The following TFCP2L1 variants were observed in gnomAD, a reference collection of about 807,000 sequenced individuals.
The protein encoded by TFCP2L1 is transcription factor CP2-like protein 1.
TFCP2L1 carries 12 observed loss-of-function variants against 72.2 expected under a neutral mutation model. The ratio of observed to expected loss-of-function variants is 0.17; its 90% confidence interval spans 0.11 to 0.27. The LOEUF (loss-of-function observed/expected upper bound fraction) is 0.27. Ranked by LOEUF, TFCP2L1 falls within the 10% of genes least tolerant of loss-of-function variation. The probability of loss-of-function intolerance (pLI) is 1.00; values close to 1 mark genes in which losing one functional copy is unlikely to be tolerated. For missense variants in TFCP2L1, 488 were observed against 624.6 expected (o/e 0.78, Z 2.33); for synonymous variants, 260 against 251.0 (o/e 1.04, Z -0.34).
intron 2 of TFCP2L1, among the ~76,000 whole-genome samples, chr2:121,262,855 T>C (rs868483160): frequency 2.8e-4 from 43 of 152,354 alleles, no homozygotes; most frequent in African/African-American, 9.9e-4. Context: ...CATAAGTACC[T>C]GGACACTTAA....
chr2:121,233,916 AGACCATGCACCATGCAAG>A (rs371420471), intron 12 of TFCP2L1, among the ~76,000 whole-genome samples, 157 bp downstream of exon 12: 4 of 152,382 alleles, frequency 2.6e-5, no homozygotes, highest in African/African-American at 9.6e-5. Context: ...CCACGAGGTC[AGACCATGCACCATGCAAG>A]GAGCATGCAC....
intron 8 of TFCP2L1, 55 bp from the exon 9 acceptor site, chr2:121,237,905 C>T: frequency 6.3e-7 from 1 of 1,595,146 alleles, no homozygotes. Context: ...GGGCAATGGC[C>T]ACGGTCCCGG....
At chr2:121,259,929 T>C (rs1255694199) in intron 2 of TFCP2L1, among the ~76,000 whole-genome samples, 2 of 152,118 alleles carry the variant, frequency 1.3e-5, no homozygotes, top group Non-Finnish European at 2.9e-5. Context: ...CTGTTCCAAG[T>C]ACATAATGGA....
chr2:121,280,080 AG>A (rs1014084380), intron 2 of TFCP2L1, among the ~76,000 whole-genome samples: 2 of 152,182 alleles, frequency 1.3e-5, no homozygotes, highest in African/African-American at 4.8e-5. Flanking sequence ...GTTCTGGAAA[AG>A]GGAACCAGCA....
At chr2:121,248,781 T>C (rs1271873253) in intron 4 of TFCP2L1, among the ~76,000 whole-genome samples, 1 of 152,250 alleles carries the variant, frequency 6.6e-6, no homozygotes, top group Non-Finnish European at 1.5e-5. Flanking sequence ...TCCACAGACC[T>C]TTCTTTTCCA....
chr2:121,231,765 T>G (rs1686147672), intron 13 of TFCP2L1, 61 bp downstream of exon 13: 23 of 1,588,770 alleles, frequency 1.4e-5, no homozygotes, highest in Non-Finnish European at 1.9e-5. Flanking sequence ...GGGCAGGGGT[T>G]CTGACACTCC....
At chr2:121,281,099 C>G in intron 2 of TFCP2L1, 21 bp downstream of exon 2, 1 of 1,613,788 alleles carries the variant, frequency 6.2e-7, no homozygotes. Context: ...TCCGCCCTGG[C>G]CCGGGGCCTC....
intron 2 of TFCP2L1, among the ~76,000 whole-genome samples, chr2:121,262,338 G>A (rs964051702): frequency 8.6e-5 from 13 of 152,006 alleles, no homozygotes; most frequent in Admixed American, 2.6e-4. Flanking sequence ...GGTGGCGGGC[G>A]CCTGTAACCC....
At chr2:121,281,293 G>A (rs746828229) in intron 1 of TFCP2L1, 22 bp from the exon 2 acceptor site, 4 of 1,574,494 alleles carry the variant, frequency 2.5e-6, no homozygotes, top group Non-Finnish European at 3.4e-6. Context: ...GGGAAGCAGA[G>A]GTCAGGAGCA....
intron 7 of TFCP2L1, among the ~76,000 whole-genome samples, chr2:121,241,875 T>C (rs1039347713): frequency 1.3e-5 from 2 of 151,964 alleles, no homozygotes; most frequent in African/African-American, 4.8e-5. Flanking sequence ...GCAAGTTGTG[T>C]CTATGTACAC....
intron 2 of TFCP2L1, among the ~76,000 whole-genome samples, chr2:121,254,389 G>T (rs774942752): frequency 6.6e-6 from 1 of 152,298 alleles, no homozygotes; most frequent in African/African-American, 2.4e-5. Flanking sequence ...AGGACGAGGC[G>T]GGGAGTGTGA....
In TFCP2L1 at chr2:121,242,439, C is replaced by T; in HGVS notation, c.688G>A (p.Asp230Asn). The part of the protein sequence containing the change: ...PKGADRKQKT[D>N]REKMEKRTAQ... ...GTTCTTTTCTCCATCTTCTCCCGGT[C>T]AGTCTTCTGTTTCCGATCGGCTCCC... is the stretch of plus-strand genomic sequence containing the variant. Residue 230 changes from aspartate to asparagine, a missense_variant, in exon 7 of 15, where the codon GAC (aspartate) becomes AAC (asparagine). This residue lies in a region of TFCP2L1 where 286 missense variants were observed against 329.0 expected (regional missense o/e 0.87). Coordinates refer to ENST00000263707, the MANE Select transcript of TFCP2L1 (RefSeq NM_014553.3). 1 of 1,614,134 alleles carries T rather than the reference C, an allele frequency of 6.2e-7. No individual in the cohort carries two copies. The highest frequency in any genetic ancestry group is 8.5e-7 in the Non-Finnish European group (1 of 1,180,028).
chr2:121,227,130 T>C (rs1285931805), intron 13 of TFCP2L1, among the ~76,000 whole-genome samples: 1 of 152,202 alleles, frequency 6.6e-6, no homozygotes, highest in Non-Finnish European at 1.5e-5. Context: ...CACTATGATT[T>C]CACTCATGGA....
chr2:121,234,239 C>A lies in TFCP2L1; in HGVS notation c.1095-45G>T. On this transcript the variant is annotated intron_variant, in intron 11 of 14. Transcript: ENST00000263707. ...TAAATAATAGGTGTGGTGGACCAGG[C>A]GCAGTTGTTTCAGAATATTCCAGGA... The A allele has an allele frequency of 1.3e-6, 2 of 1,555,990 alleles. 1 individual carries two copies. The highest frequency in any genetic ancestry group is 3.4e-4 in the Middle Eastern group (2 of 5,950).
At chr2:121,259,302 T>C (rs919380355) in intron 2 of TFCP2L1, among the ~76,000 whole-genome samples, 11 of 151,844 alleles carry the variant, frequency 7.2e-5, no homozygotes, top group Non-Finnish European at 1.2e-4. Flanking sequence ...AAAAAGATCA[T>C]GTTGTCTGCA....
chr2:121,255,131 C>T (rs1409385664), intron 2 of TFCP2L1, among the ~76,000 whole-genome samples: 5 of 152,232 alleles, frequency 3.3e-5, no homozygotes, highest in Non-Finnish European at 7.3e-5. Flanking sequence ...GTGGGTGTCA[C>T]GTGCTGGGCA....
intron 10 of TFCP2L1, among the ~76,000 whole-genome samples, chr2:121,236,752 A>C (rs1686257406): frequency 6.6e-6 from 1 of 151,840 alleles, no homozygotes; most frequent in Non-Finnish European, 1.5e-5. Flanking sequence ...CTGCTCTGTG[A>C]CCACATAAGG....
chr2:121,272,564 C>G (rs1687066637), intron 2 of TFCP2L1, among the ~76,000 whole-genome samples: 1 of 152,168 alleles, frequency 6.6e-6, no homozygotes, highest in Admixed American at 6.5e-5. Flanking sequence ...AGATGCAGTT[C>G]TTAGCTTTAG....
chr2:121,265,486 C>CTT, intron 2 of TFCP2L1, among the ~76,000 whole-genome samples: 1 of 147,134 alleles, frequency 6.8e-6, no homozygotes, highest in East Asian at 2.0e-4. Flanking sequence ...CACAATAAAG[C>CTT]TTTTTTTTTT....
Sources: allele counts gnomAD v4.1 joint callset (sites outside exome capture counted in the v4.1 genomes callset), GRCh38; gene constraint gnomAD v4.1.1; regional missense constraint gnomAD v4.1.1; transcripts MANE v1.5; gene names NCBI Gene and HGNC (gene_info 2026-07-23, HGNC 2026-07-21).